Variants in GSG1L observed in about 807,000 individuals in gnomAD.
GSG1L encodes germ cell-specific gene 1-like protein.
GSG1L carries 24 observed loss-of-function variants against 42.1 expected under a neutral mutation model. The observed-to-expected ratio is 0.57, with a 90% CI of 0.41 to 0.80. The LOEUF (loss-of-function observed/expected upper bound fraction) is 0.80, where lower values mean the gene tolerates loss of function less well. Among genes scored for constraint, GSG1L ranks in the 30% least tolerant of loss-of-function variants. The pLI, the probability that GSG1L is intolerant of heterozygous loss-of-function variation, is 0.00. For synonymous variants in GSG1L, 215 were observed against 203.5 expected (o/e 1.06, Z -0.48); for missense variants, 445 against 472.2 (o/e 0.94, Z 0.53).
intron 1 of GSG1L, among the ~76,000 whole-genome samples, chr16:28,004,670 C>A (rs1173936175): frequency 2.0e-5 from 3 of 151,970 alleles, no homozygotes; most frequent in Non-Finnish European, 4.4e-5. Context: ...CCCAACTACT[C>A]AGTAGGCTGG....
intron 2 of GSG1L, among the ~76,000 whole-genome samples, chr16:27,913,445 A>G (rs1450395601): frequency 1.3e-5 from 2 of 152,112 alleles, no homozygotes; most frequent in Non-Finnish European, 2.9e-5. Flanking sequence ...GGTATTTTGA[A>G]CTTATTTTCA....
intron 4 of GSG1L, among the ~76,000 whole-genome samples, chr16:27,838,859 C>T (rs910729679): frequency 2.0e-5 from 3 of 152,222 alleles, no homozygotes; most frequent in Admixed American, 6.5e-5. Flanking sequence ...TGGGCAGCCA[C>T]ATCCCTTTCC....
chr16:27,834,047 T>C (rs1417477305), intron 4 of GSG1L, among the ~76,000 whole-genome samples: 1 of 152,196 alleles, frequency 6.6e-6, no homozygotes, highest in East Asian at 1.9e-4. Context: ...TCTTTCAACA[T>C]TAAGTATAAT....
At chr16:27,969,495 G>C (rs549364113) in intron 1 of GSG1L, among the ~76,000 whole-genome samples, 1 of 152,164 alleles carries the variant, frequency 6.6e-6, no homozygotes, top group Non-Finnish European at 1.5e-5. Flanking sequence ...ATAATGTTTT[G>C]TGACTACCTT....
At chr16:27,998,008 C>A (rs985442358) in intron 1 of GSG1L, among the ~76,000 whole-genome samples, 4 of 152,020 alleles carry the variant, frequency 2.6e-5, no homozygotes, top group African/African-American at 9.7e-5. Context: ...TACAGGCATG[C>A]GCCACCACTC....
intron 2 of GSG1L, among the ~76,000 whole-genome samples, chr16:27,930,956 G>T (rs1449752845): frequency 6.6e-6 from 1 of 151,970 alleles, no homozygotes; most frequent in Non-Finnish European, 1.5e-5. Flanking sequence ...CAGGCTCACA[G>T]CAAGAGCCTG....
intron 1 of GSG1L, among the ~76,000 whole-genome samples, chr16:27,978,067 G>A (rs1469414898): frequency 6.6e-6 from 1 of 152,200 alleles, no homozygotes; most frequent in Non-Finnish European, 1.5e-5. Flanking sequence ...TGCCCTCAGT[G>A]CAGCAGCTTG....
intron 2 of GSG1L, 96 bp downstream of exon 2, chr16:27,963,060 G>A (rs1178850111): frequency 4.9e-6 from 5 of 1,030,832 alleles, no homozygotes; most frequent in East Asian, 4.9e-5. Context: ...GGATGCTGAA[G>A]AAGATGCTAT....
Position 28,063,108 on chromosome 16 carries a change from C to G in GSG1L, c.317G>C (p.Trp106Ser), listed in dbSNP as rs2086362323. The change falls in exon 1 of 7, where the codon TGG (tryptophan) becomes TCG (serine). Residue 106 changes from tryptophan (W) to serine (S), a missense_variant. Around this residue, in one of 3 missense-constraint regions of GSG1L, gnomAD observed 149 missense variants for 223.3 expected, o/e 0.67. Transcript: ENST00000447459. The surrounding 1 kb of genome is among the most constrained non-coding windows in gnomAD (Gnocchi z 5.8). ...FLFRNFHTGI[W>S]YSCEEELSGL... ...GCTGAGCTCCTCCTCGCACGAGTAC[C>G]AGATGCCGGTGTGGAAATTCCTGAA... 6.9e-7 allele frequency: 1 copy of G among 1,441,564 alleles called. No homozygotes were observed. Among genetic ancestry groups the G allele is most frequent in the Non-Finnish European group, 9.2e-7 (1 of 1,091,994 alleles). 89.3% of individuals were successfully genotyped at this position (1,441,564 alleles called of 1,614,324 possible).
intron 2 of GSG1L, among the ~76,000 whole-genome samples, chr16:27,894,857 C>A (rs1186950207): frequency 1.3e-5 from 2 of 152,158 alleles, no homozygotes; most frequent in Non-Finnish European, 2.9e-5. Context: ...ACTGTTCCAC[C>A]TCCCAGGCTA....
chr16:27,810,615 A>G (rs1034715528), intron 5 of GSG1L, among the ~76,000 whole-genome samples: 15 of 152,206 alleles, frequency 9.9e-5, no homozygotes, highest in African/African-American at 3.6e-4. Flanking sequence ...TAGGCACCAA[A>G]CCAAAAGAAT....
At chr16:28,039,623 A>G (rs1030975902) in intron 1 of GSG1L, among the ~76,000 whole-genome samples, 14 of 152,012 alleles carry the variant, frequency 9.2e-5, no homozygotes, top group African/African-American at 3.1e-4. Context: ...ACACAAGCAG[A>G]CATGTACGTG....
intron 1 of GSG1L, among the ~76,000 whole-genome samples, chr16:27,974,831 C>T (rs2085233557): frequency 1.3e-5 from 2 of 152,152 alleles, no homozygotes; most frequent in South Asian, 4.1e-4. Flanking sequence ...GTCATCTGGA[C>T]AGTCAGGGTC....
chr16:28,041,717 G>A (rs749157159), intron 1 of GSG1L, among the ~76,000 whole-genome samples: 17 of 152,266 alleles, frequency 1.1e-4, no homozygotes, highest in East Asian at 7.7e-4. Flanking sequence ...TACCTGAATC[G>A]TCTCACTTTT....
chr16:27,861,438 G>A (rs187035268), intron 3 of GSG1L, among the ~76,000 whole-genome samples: 13 of 152,264 alleles, frequency 8.5e-5, no homozygotes, highest in East Asian at 1.9e-4. Flanking sequence ...TGCGAGGGAA[G>A]AAGGATGAAT....
At chr16:28,060,478 C>T (rs1480837867) in intron 1 of GSG1L, among the ~76,000 whole-genome samples, 1 of 152,110 alleles carries the variant, frequency 6.6e-6, no homozygotes, top group Non-Finnish European at 1.5e-5. Context: ...GGATGATCTC[C>T]AGCCCACAGT....
chr16:27,865,548 T>G lies in GSG1L; in HGVS notation c.550+18938A>C, dbSNP rs1476163471. Among the ~76,000 whole-genome samples, 2 of 21,582 alleles carry G rather than the reference T, an allele frequency of 9.3e-5. 1 individual carries two copies. The highest frequency in any genetic ancestry group is 1.6e-4 in the Non-Finnish European group (2 of 12,794). The allele number at this position is 21,582 out of a possible 152,430, so 14.2% of individuals were successfully genotyped here. A position where few individuals can be genotyped will look rare whatever the true frequency, so the allele number is the denominator to read the frequency against. On this transcript the variant is annotated intron_variant, in intron 3 of 6. Coordinates refer to ENST00000447459, the MANE Select transcript of GSG1L (RefSeq NM_001109763.2). ...CTATATATATATATATATATATATA[T>G]ATATATATATATATATATATATATA...
At chr16:28,062,976 G>A (rs1443935741) in intron 1 of GSG1L, 100 bp downstream of exon 1, 4 of 1,207,908 alleles carry the variant, frequency 3.3e-6, no homozygotes, top group Non-Finnish European at 4.1e-6. Context: ...CTGGGCCCAG[G>A]CGGCGGGAGG....
At chr16:27,813,213 T>C (rs1478372713) in intron 5 of GSG1L, among the ~76,000 whole-genome samples, 1 of 152,198 alleles carries the variant, frequency 6.6e-6, no homozygotes, top group East Asian at 1.9e-4. Flanking sequence ...TAGAACCCGA[T>C]AGATGGCTTT....
Sources: gnomAD v4.1 joint callset for allele counts (sites outside exome capture counted in the v4.1 genomes callset) on GRCh38, gnomAD v4.1.1 for gene constraint, gnomAD v4.1.1 regional missense constraint, Gnocchi (gnomAD v3.1) non-coding constraint, MANE v1.5 for transcripts, NCBI Gene and HGNC (gene_info 2026-07-23, HGNC 2026-07-21) for gene names.